Variants in CACNG4 observed in about 807,000 individuals in gnomAD.
CACNG4 encodes voltage-dependent calcium channel gamma-4 subunit.
CACNG4 carries 8 observed loss-of-function variants against 22.9 expected under a neutral mutation model. That is an observed-to-expected ratio of 0.35 (90% CI 0.21 to 0.63). The LOEUF (loss-of-function observed/expected upper bound fraction) is 0.63. Ranked by LOEUF, CACNG4 falls within the 30% of genes least tolerant of loss-of-function variation. CACNG4 has a pLI of 0.72. For synonymous variants in CACNG4, 188 were observed against 191.9 expected (o/e 0.98, Z 0.17); for missense variants, 357 against 455.4 (o/e 0.78, Z 1.97).
At chr17:66,987,797 C>A (rs2143301539) in intron 1 of CACNG4, among the ~76,000 whole-genome samples, 1 of 152,156 alleles carries the variant, frequency 6.6e-6, no homozygotes, top group East Asian at 1.9e-4. Context: ...CAAACCTACC[C>A]AGAAGCCAAG....
chr17:66,988,066 T>TAC (rs1312133977), intron 1 of CACNG4, among the ~76,000 whole-genome samples: 11 of 147,450 alleles, frequency 7.5e-5, no homozygotes, highest in Non-Finnish European at 1.0e-4. Context: ...TATATATATA[T>TAC]ACACACACAC....
chr17:66,965,258 G>A (rs1187042968), intron 1 of CACNG4, 127 bp downstream of exon 1: 17 of 628,396 alleles, frequency 2.7e-5, no homozygotes, highest in Non-Finnish European at 4.4e-5. Context: ...GGGCCGGGGA[G>A]AGGGTGGGCG....
In CACNG4 at chr17:67,024,494, G is replaced by A. The variant is rs145935179; in HGVS notation, c.305-366G>A. Among the ~76,000 whole-genome samples, 31 of 152,350 alleles carry A rather than the reference G, an allele frequency of 2.0e-4. 1 individual carries two copies. The East Asian group carries it at 5.8e-3, about 28-fold the overall frequency. On this transcript the variant is annotated intron_variant, in intron 2 of 3. Coordinates refer to ENST00000262138, the MANE Select transcript of CACNG4 (RefSeq NM_014405.4). The stretch of plus-strand genomic sequence containing the variant: ...CTTCCCAGCCTTCCAGGGGCTTCAC[G>A]GAGACTGCGTTCATGCAAGGGCTTA...
intron 1 of CACNG4, among the ~76,000 whole-genome samples, chr17:67,013,235 G>A (rs2035478262): frequency 6.6e-6 from 1 of 151,986 alleles, no homozygotes; most frequent in Non-Finnish European, 1.5e-5. Flanking sequence ...CACACCCTCT[G>A]GCCCCCAGGG....
At chr17:66,965,174 A>ACACACG in intron 1 of CACNG4, 43 bp downstream of exon 1, 1 of 1,121,760 alleles carries the variant, frequency 8.9e-7, no homozygotes, top group Non-Finnish European at 1.3e-6. Context: ...ACACACACAC[A>ACACACG]CACACACACA....
intron 1 of CACNG4, among the ~76,000 whole-genome samples, chr17:66,989,453 A>G (rs7209583): frequency 0.2 from 30,793 of 151,218 alleles, 6,383 homozygotes; most frequent in African/African-American, 0.5. Context: ...CTAAGAGAAA[A>G]GCATGGGGCA....
chr17:66,977,942 G>A (rs867116912), intron 1 of CACNG4, among the ~76,000 whole-genome samples: 7 of 152,128 alleles, frequency 4.6e-5, no homozygotes, highest in Non-Finnish European at 7.4e-5. Context: ...AACAGAACAC[G>A]TCCTAGACGT....
At chr17:66,971,309 G>T (rs899776026) in intron 1 of CACNG4, among the ~76,000 whole-genome samples, 8 of 150,878 alleles carry the variant, frequency 5.3e-5, no homozygotes, top group African/African-American at 1.5e-4. Context: ...CCAGCCAGAA[G>T]AGCCTTGTGG....
chr17:66,995,661 C>A (rs1432620305), intron 1 of CACNG4, among the ~76,000 whole-genome samples: 1 of 152,050 alleles, frequency 6.6e-6, no homozygotes, highest in Non-Finnish European at 1.5e-5. Flanking sequence ...ACCAGCCTGA[C>A]CAAGATGGTG....
intron 1 of CACNG4, among the ~76,000 whole-genome samples, chr17:66,967,638 A>C (rs2035178426): frequency 6.6e-6 from 1 of 152,186 alleles, no homozygotes. Flanking sequence ...TGTTCTCTAG[A>C]AAAGTATTCC....
At chr17:66,999,587 C>A (rs1449730748) in intron 1 of CACNG4, among the ~76,000 whole-genome samples, 1 of 152,168 alleles carries the variant, frequency 6.6e-6, no homozygotes, top group Non-Finnish European at 1.5e-5. Context: ...GAAGAGGGAA[C>A]TTCCAAGCAC....
At chr17:67,003,364 C>T (rs970578101) in intron 1 of CACNG4, among the ~76,000 whole-genome samples, 6 of 151,778 alleles carry the variant, frequency 4.0e-5, no homozygotes, top group Non-Finnish European at 7.4e-5. Flanking sequence ...CGTACTGTCT[C>T]TATGCTATCC....
chr17:66,981,624 T>A (rs1019637031), intron 1 of CACNG4, among the ~76,000 whole-genome samples: 1 of 152,184 alleles, frequency 6.6e-6, no homozygotes, highest in South Asian at 2.1e-4. Context: ...AGTGGCCTCT[T>A]GAGCCGCCCG....
At chr17:67,022,594 G>A (rs894493595) in intron 2 of CACNG4, among the ~76,000 whole-genome samples, 1 of 152,188 alleles carries the variant, frequency 6.6e-6, no homozygotes, top group East Asian at 1.9e-4. Context: ...ACACTGATGC[G>A]TTCACAAAAA....
At position 66,984,002 on chromosome 17, in the gene CACNG4, A is replaced by T. The variant is rs2035291489; in HGVS notation, c.220+18871A>T. Reference sequence around the variant, plus strand: ...GTGAACAATGTTCTATATTTTGATCAGGGTGCTGGTTATACGGGTGTAGAC... The same window carrying T: ...GTGAACAATGTTCTATATTTTGATCTGGGTGCTGGTTATACGGGTGTAGAC... On this transcript the variant is annotated intron_variant, in intron 1 of 3. Coordinates refer to ENST00000262138, the MANE Select transcript of CACNG4 (RefSeq NM_014405.4). The surrounding 1 kb of genome is among the most constrained non-coding windows in gnomAD (Gnocchi z 4.0). Among the ~76,000 whole-genome samples, 1 of 152,230 alleles carries T rather than the reference A, an allele frequency of 6.6e-6. No individual in the cohort carries two copies.
At chr17:66,994,305 T>C in intron 1 of CACNG4, among the ~76,000 whole-genome samples, 1 of 144,140 alleles carries the variant, frequency 6.9e-6, no homozygotes, top group East Asian at 2.0e-4. Context: ...CCAGCCTGGG[T>C]GACAGAGCGA....
At chr17:67,011,676 A>G (rs2035469302) in intron 1 of CACNG4, among the ~76,000 whole-genome samples, 2 of 152,184 alleles carry the variant, frequency 1.3e-5, no homozygotes, top group Non-Finnish European at 2.9e-5. Context: ...AAACAGTGAC[A>G]ATACTGTCGA....
intron 1 of CACNG4, among the ~76,000 whole-genome samples, chr17:66,978,777 T>C (rs905797720): frequency 3.9e-5 from 6 of 152,258 alleles, no homozygotes; most frequent in African/African-American, 1.2e-4. Flanking sequence ...CAGTTTGGCA[T>C]GTCATACAAA....
chr17:67,003,688 C>G (rs1256365106), intron 1 of CACNG4, among the ~76,000 whole-genome samples: 1 of 152,206 alleles, frequency 6.6e-6, no homozygotes, highest in Non-Finnish European at 1.5e-5. Flanking sequence ...CAAGTTGTGA[C>G]AATCACAACT....
Sources: gnomAD v4.1 joint callset for allele counts (sites outside exome capture counted in the v4.1 genomes callset) on GRCh38, gnomAD v4.1.1 for gene constraint, Gnocchi (gnomAD v3.1) non-coding constraint, MANE v1.5 for transcripts, NCBI Gene and HGNC (gene_info 2026-07-23, HGNC 2026-07-21) for gene names.